TTLL11: variants seen among roughly 807,000 people sequenced by gnomAD.
TTLL11 encodes tubulin tyrosine ligase like 11, also known as tubulin polyglutamylase TTLL11.
Under a neutral mutation model 51.7 loss-of-function variants are expected in TTLL11, and 42 were observed. The observed-to-expected ratio is 0.81, with a 90% CI of 0.64 to 1.05. TTLL11 has a LOEUF of 1.05. TTLL11 is among the 50% of genes least tolerant of loss of function. The pLI is 0.00. For missense variants in TTLL11, 799 were observed against 940.4 expected, an observed-to-expected ratio of 0.85 and a Z score of 1.97; for synonymous variants, 381 against 383.5, an observed-to-expected ratio of 0.99 and a Z score of 0.08.
intron 6 of TTLL11, among the ~76,000 whole-genome samples, chr9:121,922,410 G>T (rs971567478): frequency 1.3e-5 from 2 of 152,078 alleles, no homozygotes; most frequent in African/African-American, 4.8e-5. Context: ...GTCTCTGAAG[G>T]AATTCTTGGG....
chr9:121,975,021 A>G, intron 4 of TTLL11, 42 bp from the exon 5 acceptor site: 1 of 1,404,122 alleles, frequency 7.1e-7, no homozygotes, highest in Non-Finnish European at 9.6e-7. Context: ...GTCTCTATTG[A>G]GTATGGTATT....
intron 6 of TTLL11, among the ~76,000 whole-genome samples, chr9:121,950,140 T>C (rs1221658719): frequency 6.6e-6 from 1 of 152,166 alleles, no homozygotes; most frequent in Non-Finnish European, 1.5e-5. Context: ...GCTTCATGCA[T>C]TGGAAGAGTA....
intron 7 of TTLL11, among the ~76,000 whole-genome samples, chr9:121,868,280 G>A (rs1015182562): frequency 1.3e-5 from 2 of 152,132 alleles, no homozygotes; most frequent in African/African-American, 2.4e-5. Context: ...TATGTTACAA[G>A]GTCCAGGAAT....
intron 1 of TTLL11, among the ~76,000 whole-genome samples, chr9:122,044,417 C>A (rs1438594348): frequency 6.6e-6 from 1 of 152,096 alleles, no homozygotes; most frequent in African/African-American, 2.4e-5. Context: ...AGTTCTAGAT[C>A]CCTGAGGAAT....
chr9:122,049,915 A>G (rs1255156376), intron 1 of TTLL11, among the ~76,000 whole-genome samples: 1 of 152,188 alleles, frequency 6.6e-6, no homozygotes, highest in Non-Finnish European at 1.5e-5. Context: ...GCTTTGATAT[A>G]AGCAAGTCTG....
chr9:122,029,585 C>A (rs771285013), intron 3 of TTLL11, among the ~76,000 whole-genome samples: 40 of 152,112 alleles, frequency 2.6e-4, no homozygotes. Flanking sequence ...TTTTGTACAG[C>A]TGTACAGTGT....
In TTLL11 at chr9:121,974,125, C is replaced by T; in HGVS notation, c.1366-1G>A. The T allele has an allele frequency of 6.5e-7, 1 of 1,549,956 alleles. No individual in the cohort carries two copies. Among genetic ancestry groups the T allele is most frequent in the South Asian group, 1.2e-5 (1 of 83,992 alleles). On this transcript the variant is annotated splice_acceptor_variant, in intron 5 of 8. Coordinates refer to ENST00000321582, the MANE Select transcript of TTLL11 (RefSeq NM_001139442.2). LOFTEE classifies it high-confidence loss of function. ...CATTTTCAAACACCCCTGGAGAAAG[C>T]TTGAACGGGTAAGGATTCTGTGTCA...
chr9:122,077,736 T>C (rs998071724), intron 1 of TTLL11, among the ~76,000 whole-genome samples: 2 of 151,484 alleles, frequency 1.3e-5, no homozygotes, highest in Admixed American at 6.6e-5. Flanking sequence ...ATATGTAAAA[T>C]ATTGCTTTCA....
chr9:122,012,862 G>A (rs1252419018), intron 3 of TTLL11, among the ~76,000 whole-genome samples: 1 of 152,144 alleles, frequency 6.6e-6, no homozygotes, highest in Non-Finnish European at 1.5e-5. Flanking sequence ...AAAAAGCCAT[G>A]AAGACCCAGA....
At chr9:121,863,402 G>A (rs1388301990) in intron 7 of TTLL11, among the ~76,000 whole-genome samples, 3 of 152,214 alleles carry the variant, frequency 2.0e-5, no homozygotes, top group Admixed American at 2.0e-4. Flanking sequence ...CAGGAGCGCT[G>A]CCTAGCTTGC....
intron 8 of TTLL11, among the ~76,000 whole-genome samples, chr9:121,844,043 C>T (rs1432412180): frequency 1.3e-5 from 2 of 152,102 alleles, no homozygotes; most frequent in African/African-American, 4.8e-5. Flanking sequence ...GCTTTTCTAG[C>T]CTTTCTAGTT....
chr9:122,043,714 A>T (rs938782656), intron 1 of TTLL11, among the ~76,000 whole-genome samples: 9 of 152,208 alleles, frequency 5.9e-5, no homozygotes, highest in Non-Finnish European at 1.0e-4. Context: ...TAAATCAAAG[A>T]TAAAAATTAA....
chr9:122,053,445 G>A (rs749493835), intron 1 of TTLL11, among the ~76,000 whole-genome samples: 7 of 152,112 alleles, frequency 4.6e-5, no homozygotes, highest in Non-Finnish European at 1.0e-4. Context: ...AGAGGTCCAC[G>A]CAGCCCACAC....
At chr9:121,833,031 C>A in intron 8 of TTLL11, among the ~76,000 whole-genome samples, 1 of 151,770 alleles carries the variant, frequency 6.6e-6, no homozygotes, top group East Asian at 1.9e-4. Context: ...TAGAACAAAA[C>A]AATACCGGCC....
intron 1 of TTLL11, among the ~76,000 whole-genome samples, chr9:122,071,269 C>T (rs543751453): frequency 6.6e-6 from 1 of 152,226 alleles, no homozygotes; most frequent in African/African-American, 2.4e-5. Flanking sequence ...TGAAATATGT[C>T]ATTGGTTACT....
intron 6 of TTLL11, among the ~76,000 whole-genome samples, chr9:121,883,850 A>G (rs1454292635): frequency 6.6e-6 from 1 of 152,226 alleles, no homozygotes; most frequent in Non-Finnish European, 1.5e-5. Flanking sequence ...GGCAGGCAGC[A>G]GAGTGGCGAG....
At chr9:121,886,577 T>A (rs1360304529) in intron 6 of TTLL11, among the ~76,000 whole-genome samples, 1 of 152,226 alleles carries the variant, frequency 6.6e-6, no homozygotes, top group Non-Finnish European at 1.5e-5. Flanking sequence ...GCGGACACCC[T>A]GCTCTCAGAC....
intron 6 of TTLL11, among the ~76,000 whole-genome samples, chr9:121,928,127 C>A (rs556285638): frequency 3.3e-5 from 5 of 152,164 alleles, no homozygotes; most frequent in African/African-American, 1.2e-4. Context: ...GAGGGGGCTA[C>A]GGGACGCATG....
At chr9:121,909,057 A>G (rs996304305) in intron 6 of TTLL11, among the ~76,000 whole-genome samples, 6 of 152,228 alleles carry the variant, frequency 3.9e-5, no homozygotes, top group Non-Finnish European at 7.3e-5. Context: ...CATAACAGTT[A>G]GTCAACTTAT....
Sources: gnomAD v4.1 joint callset for allele counts (sites outside exome capture counted in the v4.1 genomes callset) on GRCh38, gnomAD v4.1.1 for gene constraint, MANE v1.5 for transcripts, NCBI Gene and HGNC (gene_info 2026-07-23, HGNC 2026-07-21) for gene names.